Variants in CFAP251 observed in about 807,000 individuals in gnomAD.
CFAP251 encodes the protein cilia and flagella associated protein 251.
In CFAP251, 93 loss-of-function variants were observed where a neutral mutation model predicts 126.7. That is an observed-to-expected ratio of 0.73 (90% CI 0.62 to 0.87). The LOEUF is 0.87. CFAP251 is among the 40% of genes least tolerant of loss of function. The pLI is 0.00. For synonymous variants in CFAP251, 503 were observed against 506.9 expected, an observed-to-expected ratio of 0.99 and a Z score of 0.10; for missense variants, 1,287 against 1,389.2, an observed-to-expected ratio of 0.93 and a Z score of 1.17.
intron 3 of CFAP251, 71 bp downstream of exon 3, chr12:121,924,061 G>A (rs1880303412): frequency 3.4e-6 from 5 of 1,480,854 alleles, no homozygotes; most frequent in Non-Finnish European, 4.5e-6. Flanking sequence ...TTTTATGCAT[G>A]TTGGGGGAAA....
intron 19 of CFAP251, among the ~76,000 whole-genome samples, chr12:121,986,601 A>AT (rs1040716904): frequency 3.6e-4 from 51 of 143,498 alleles, no homozygotes; most frequent in Middle Eastern, 3.5e-3. Flanking sequence ...GCCCAGCCGA[A>AT]TTTTTTTTTT....
intron 19 of CFAP251, among the ~76,000 whole-genome samples, chr12:121,976,104 G>A (rs1022380727): frequency 1.3e-5 from 2 of 151,786 alleles, no homozygotes; most frequent in African/African-American, 2.4e-5. Flanking sequence ...CACCTCCTAG[G>A]TTCAAGCGGT....
At chr12:121,978,886 A>G (rs1032855505) in intron 19 of CFAP251, among the ~76,000 whole-genome samples, 43 of 152,204 alleles carry the variant, frequency 2.8e-4, no homozygotes, top group African/African-American at 9.4e-4. Flanking sequence ...CCTGGGTCAT[A>G]GTGCAAGAAG....
chr12:121,967,187 C>G (rs1298963079), intron 16 of CFAP251, 118 bp downstream of exon 16: 5 of 860,790 alleles, frequency 5.8e-6, no homozygotes, highest in Non-Finnish European at 9.3e-6. Context: ...CCAACTGCTT[C>G]CACCCCAGTC....
chr12:121,986,662 G>A (rs953721257), intron 19 of CFAP251, among the ~76,000 whole-genome samples: 17 of 149,242 alleles, frequency 1.1e-4, no homozygotes, highest in African/African-American at 3.4e-4. Context: ...CTACTCAGGA[G>A]GCTGAGGTGG....
At chr12:121,963,503 A>G (rs1882017913) in intron 15 of CFAP251, among the ~76,000 whole-genome samples, 1 of 151,130 alleles carries the variant, frequency 6.6e-6, no homozygotes, top group Non-Finnish European at 1.5e-5. Context: ...GACGGGGAGG[A>G]CACCAGCCGG....
At chr12:121,987,715 C>CAA (rs67772162) in intron 19 of CFAP251, among the ~76,000 whole-genome samples, 2 of 85,020 alleles carry the variant, frequency 2.4e-5, no homozygotes, top group Non-Finnish European at 2.3e-5. Flanking sequence ...GACTCCGTCT[C>CAA]AAAAAAAAAA....
intron 17 of CFAP251, among the ~76,000 whole-genome samples, chr12:121,970,629 T>G (rs1882299791): frequency 6.6e-6 from 1 of 152,206 alleles, no homozygotes; most frequent in Admixed American, 6.5e-5. Context: ...AAGTGTCATT[T>G]CCCTTTTGTG....
intron 1 of CFAP251, among the ~76,000 whole-genome samples, chr12:121,920,132 C>T (rs1384981761): frequency 6.8e-6 from 1 of 146,404 alleles, no homozygotes; most frequent in East Asian, 2.0e-4. Context: ...TGCAGTGAGC[C>T]AAGATCGTGC....
chr12:121,983,155 G>A (rs1439850886), intron 19 of CFAP251, among the ~76,000 whole-genome samples: 2 of 152,146 alleles, frequency 1.3e-5, no homozygotes, highest in Non-Finnish European at 2.9e-5. Flanking sequence ...AGGATCGCTT[G>A]CGCACAGGAG....
At chr12:121,985,013 T>C (rs1882711886) in intron 19 of CFAP251, among the ~76,000 whole-genome samples, 3 of 152,206 alleles carry the variant, frequency 2.0e-5, no homozygotes, top group Non-Finnish European at 4.4e-5. Flanking sequence ...ATTGGTCATA[T>C]TCGACAGCAG....
rs199541254 is a variant in CFAP251 at position 121,958,257 on chromosome 12, C to T, written c.1731-15C>T. 85 of 1,613,476 alleles carry T rather than the reference C, an allele frequency of 5.3e-5. No homozygotes were observed. The highest frequency in any genetic ancestry group is 6.9e-5 in the Non-Finnish European group (81 of 1,179,586). ...TGCAAACACTGATATTGTTTGGTCTCTCCTTGGCAAACAGGAATTTTATCA... is the reference window on the plus strand; with the variant it reads ...TGCAAACACTGATATTGTTTGGTCTTTCCTTGGCAAACAGGAATTTTATCA... On this transcript the variant is annotated splice_polypyrimidine_tract_variant and intron_variant, in intron 11 of 21. Transcript: ENST00000288912.
At position 121,942,578 on chromosome 12, in the gene CFAP251, G is replaced by A. The variant is rs1881164412; in HGVS notation, c.1043G>A (p.Gly348Asp). Residue 348 changes from glycine to aspartate, a missense_variant, in exon 6 of 22, where the codon GGC becomes GAC. Coordinates refer to ENST00000288912, the MANE Select transcript of CFAP251 (RefSeq NM_144668.6). ...TTTGACAGCTGCCCTGAAGGGAATG[G>A]CATCATGGCCATGGCCATGACCCAC... Reference protein sequence around the residue: ...TIFDSCPEGNGIMAMAMTHDA... With the variant: ...TIFDSCPEGNDIMAMAMTHDA... 6.2e-7 allele frequency: 1 copy of A among 1,613,840 alleles called. No homozygotes were observed. The highest frequency in any genetic ancestry group is 1.1e-5 in the South Asian group (1 of 91,074).
chr12:121,975,174 G>A (rs1882425156), intron 17 of CFAP251, 70 bp from the exon 18 acceptor site: 6 of 1,316,424 alleles, frequency 4.6e-6, no homozygotes, highest in Non-Finnish European at 6.6e-6. Context: ...GCAGTGCTGT[G>A]CGGACCACCT....
chr12:121,958,700 G>A (rs999955289), intron 12 of CFAP251, among the ~76,000 whole-genome samples, 178 bp downstream of exon 12: 26 of 151,278 alleles, frequency 1.7e-4, no homozygotes, highest in East Asian at 5.8e-4. Context: ...GCGTCTCTGC[G>A]CGCTCACCCC....
At chr12:121,973,658 A>G (rs552325084) in intron 17 of CFAP251, among the ~76,000 whole-genome samples, 1 of 152,344 alleles carries the variant, frequency 6.6e-6, no homozygotes, top group East Asian at 1.9e-4. Flanking sequence ...TGACCTGGAT[A>G]TAAGACATGG....
At chr12:121,935,427 A>C (rs1291420196) in intron 5 of CFAP251, among the ~76,000 whole-genome samples, 1 of 152,340 alleles carries the variant, frequency 6.6e-6, no homozygotes. Context: ...ATGAACCAAT[A>C]TTGACACATT....
intron 17 of CFAP251, among the ~76,000 whole-genome samples, 186 bp from the exon 18 acceptor site, chr12:121,975,058 G>A (rs1882422070): frequency 6.6e-6 from 1 of 152,144 alleles, no homozygotes; most frequent in Non-Finnish European, 1.5e-5. Flanking sequence ...TGAGTTCCAC[G>A]CTTGAAATGG....
intron 19 of CFAP251, among the ~76,000 whole-genome samples, chr12:121,978,262 C>T (rs532396690): frequency 2.5e-3 from 370 of 149,200 alleles, no homozygotes; most frequent in Middle Eastern, 0.014. Flanking sequence ...AGCGTGGTGG[C>T]GGGTGCCTAT....
Sources: gnomAD v4.1 joint callset for allele counts (sites outside exome capture counted in the v4.1 genomes callset) on GRCh38, gnomAD v4.1.1 for gene constraint, MANE v1.5 for transcripts, NCBI Gene and HGNC (gene_info 2026-07-23, HGNC 2026-07-21) for gene names.